NCOR2: variants seen among roughly 807,000 people sequenced by gnomAD.
NCOR2 encodes the protein CTG repeat protein 26.
A neutral mutation model predicts 262.9 loss-of-function variants in NCOR2; 81 were observed. The ratio of observed to expected loss-of-function variants is 0.31; its 90% CI spans 0.26 to 0.37. The LOEUF is 0.37. NCOR2 is among the 10% of genes least tolerant of loss of function. NCOR2 has a pLI of 1.00. For synonymous variants in NCOR2, 1,659 were observed against 1,559.3 expected, an observed-to-expected ratio of 1.06 and a Z score of -1.51; for missense variants, 3,385 against 3,621.4, an observed-to-expected ratio of 0.93 and a Z score of 1.68.
At chr12:124,557,621 G>A (rs547840009) in intron 1 of NCOR2, among the ~76,000 whole-genome samples, 2 of 152,208 alleles carry the variant, frequency 1.3e-5, no homozygotes, top group African/African-American at 4.8e-5. Flanking sequence ...TGGGTGGGAA[G>A]GTGGCACAGG....
At chr12:124,343,132 G>T in exon 33 of NCOR2, 2 of 1,612,142 alleles carry the variant, frequency 1.2e-6, no homozygotes. Context: ...GGTGTGGGTG[G>T]TGCTCGGGCA....
At chr12:124,336,862 G>T (rs2035945693) in exon 38 of NCOR2, 2 of 1,611,770 alleles carry the variant, frequency 1.2e-6, no homozygotes, top group East Asian at 4.5e-5. Context: ...GGCTGGCGTG[G>T]TGAGGTGCGA....
chr12:124,367,102 T>C (rs1009606020), intron 20 of NCOR2, among the ~76,000 whole-genome samples: 1 of 152,222 alleles, frequency 6.6e-6, no homozygotes, highest in Non-Finnish European at 1.5e-5. Context: ...GAGGTGCCAC[T>C]GTCCCATGCA....
At chr12:124,339,134 CCCA>C (rs2036166427) in intron 37 of NCOR2, among the ~76,000 whole-genome samples, 2 of 148,694 alleles carry the variant, frequency 1.3e-5, no homozygotes, top group South Asian at 2.1e-4. Flanking sequence ...CAACCACCCA[CCCA>C]CCCATCCATC....
At chr12:124,486,413 G>C in intron 2 of NCOR2, 28 bp downstream of exon 4, 1 of 1,611,228 alleles carries the variant, frequency 6.2e-7, no homozygotes, top group African/African-American at 1.3e-5. Context: ...TCACGCCCTG[G>C]ACAGGGAGGC....
intron 1 of NCOR2, among the ~76,000 whole-genome samples, chr12:124,533,011 T>C (rs1270657941): frequency 3.5e-5 from 1 of 28,228 alleles, no homozygotes; most frequent in East Asian, 2.1e-3. Context: ...CAAATCGCAC[T>C]TCTCCTTCCC....
Position 124,457,571 on chromosome 12 carries a change from A to G in NCOR2, c.706-409T>C, listed in dbSNP as rs2045946784. Among the ~76,000 whole-genome samples the G allele has an allele frequency of 6.6e-6, 1 of 152,142 alleles. No individual in the cohort carries two copies. ...GGTTGTCTACAATTACCTCAGAGCT[A>G]GTGCAGCCAGCGAGGGAAGGAGGAG... On this transcript the variant is annotated intron_variant, in intron 5 of 46. Coordinates refer to ENST00000405201, the Ensembl canonical transcript of NCOR2. This position sits in a 1 kb window ranked among gnomAD's most constrained non-coding sequence, Gnocchi z 4.0.
intron 44 of NCOR2, 67 bp from the exon 47 acceptor site, chr12:124,327,700 CAGAG>C (rs1228087590): frequency 6.1e-6 from 7 of 1,142,372 alleles, no homozygotes; most frequent in Admixed American, 2.0e-5. Flanking sequence ...AGAGGGGCGA[CAGAG>C]AGAGAGAAGG....
At chr12:124,433,707 A>G (rs1176176756) in intron 8 of NCOR2, among the ~76,000 whole-genome samples, 1 of 152,066 alleles carries the variant, frequency 6.6e-6, no homozygotes, top group East Asian at 1.9e-4. Flanking sequence ...TCTGCCTCGG[A>G]CAGCGCAGGG....
intron 1 of NCOR2, among the ~76,000 whole-genome samples, chr12:124,500,306 T>G (rs1326469192): frequency 6.6e-6 from 1 of 152,144 alleles, no homozygotes; most frequent in Non-Finnish European, 1.5e-5. Context: ...GGGCTCCCCA[T>G]GCACGGCTGC....
upstream of NCOR2, among the ~76,000 whole-genome samples, chr12:124,499,735 C>T (rs910699838): frequency 5.3e-5 from 8 of 152,008 alleles, no homozygotes; most frequent in African/African-American, 1.2e-4. Flanking sequence ...CCCATGGGCC[C>T]GGGTAAGGAT....
At chr12:124,342,190 T>C in intron 33 of NCOR2, 116 bp from the exon 36 acceptor site, 1 of 1,258,916 alleles carries the variant, frequency 7.9e-7, no homozygotes, top group Non-Finnish European at 1.1e-6. Context: ...CACCTACATG[T>C]GTGGCTGCCC....
chr12:124,441,133 A>G (rs1310692560), intron 7 of NCOR2, among the ~76,000 whole-genome samples: 3 of 152,286 alleles, frequency 2.0e-5, no homozygotes, highest in African/African-American at 7.2e-5. Flanking sequence ...GCACAGCAGC[A>G]CCCATATCTC....
At chr12:124,366,028 C>T (rs1167862651) in intron 20 of NCOR2, among the ~76,000 whole-genome samples, 1 of 152,208 alleles carries the variant, frequency 6.6e-6, no homozygotes, top group East Asian at 1.9e-4. Flanking sequence ...AATGCTGCAG[C>T]CACTTTGGAA....
intron 3 of NCOR2, among the ~76,000 whole-genome samples, chr12:124,480,142 C>T (rs2047368709): frequency 6.6e-6 from 1 of 152,246 alleles, no homozygotes; most frequent in Non-Finnish European, 1.5e-5. Flanking sequence ...GAAAAGGGGA[C>T]CCTGTAGGCC....
chr12:124,467,072 C>T (rs1356567554), intron 4 of NCOR2, among the ~76,000 whole-genome samples: 3 of 131,958 alleles, frequency 2.3e-5, no homozygotes, highest in Admixed American at 7.7e-5. Flanking sequence ...TCATCACCCC[C>T]ATCATCTTCA....
At chr12:124,488,280 G>A (rs144846736) in intron 1 of NCOR2, among the ~76,000 whole-genome samples, 2 of 152,308 alleles carry the variant, frequency 1.3e-5, no homozygotes, top group East Asian at 3.9e-4. Context: ...GGAATCCATG[G>A]GGACCCTGGC....
chr12:124,399,167 C>A (rs1053129493), intron 15 of NCOR2, among the ~76,000 whole-genome samples: 2 of 152,222 alleles, frequency 1.3e-5, no homozygotes, highest in East Asian at 3.9e-4. Context: ...CCATCAGCCC[C>A]GACAGGCCAG....
At chr12:124,357,943 G>GTGCA (rs2038105470) in intron 22 of NCOR2, among the ~76,000 whole-genome samples, 2 of 151,352 alleles carry the variant, frequency 1.3e-5, no homozygotes, top group South Asian at 2.1e-4. Flanking sequence ...GTGTGTGTGA[G>GTGCA]TGCATGGATG....
Sources: allele counts gnomAD v4.1 joint callset (sites outside exome capture counted in the v4.1 genomes callset), GRCh38; gene constraint gnomAD v4.1.1; non-coding constraint Gnocchi (gnomAD v3.1); transcripts MANE v1.5; gene names NCBI Gene and HGNC (gene_info 2026-07-23, HGNC 2026-07-21).